HDAC9: variants seen among roughly 807,000 people sequenced by gnomAD.
HDAC9 encodes histone deacetylase 9, also known as MEF-2 interacting transcription repressor (MITR) protein.
In HDAC9, 41 loss-of-function variants were observed where a neutral mutation model predicts 139.4. That is an observed-to-expected ratio of 0.29 (90% CI 0.23 to 0.38). The LOEUF (loss-of-function observed/expected upper bound fraction) is 0.38. HDAC9 is among the 10% of genes least tolerant of loss of function. The pLI is 1.00. For synonymous variants in HDAC9, 517 were observed against 476.2 expected (o/e 1.09, Z -1.12); for missense variants, 1,147 against 1,297.0 (o/e 0.88, Z 1.78).
intron 17 of HDAC9, among the ~76,000 whole-genome samples, chr7:18,819,266 C>T (rs987065621): frequency 1.3e-5 from 2 of 151,944 alleles, no homozygotes; most frequent in African/African-American, 2.4e-5. Flanking sequence ...GGTGACAGAG[C>T]GAGACTCCAT....
intron 14 of HDAC9, among the ~76,000 whole-genome samples, chr7:18,757,754 G>GT (rs1789009782): frequency 2.0e-5 from 3 of 152,184 alleles, no homozygotes; most frequent in African/African-American, 7.2e-5. Flanking sequence ...GTGTGGGTGG[G>GT]TGTGGGTAGG....
chr7:18,624,892 C>T (rs866452728), intron 6 of HDAC9, among the ~76,000 whole-genome samples: 158 of 151,990 alleles, frequency 1.0e-3, no homozygotes, highest in African/African-American at 3.6e-3. Flanking sequence ...TCTCTCATGA[C>T]CCAAAACCTG....
chr7:18,793,304 TTTC>T, intron 16 of HDAC9, 38 bp from the exon 17 acceptor site: 2 of 1,379,560 alleles, frequency 1.4e-6, no homozygotes, highest in Admixed American at 2.0e-5. Flanking sequence ...TCTCTTTCGC[TTTC>T]TTCTTCTGTC....
chr7:18,863,746 G>A (rs1763023984), intron 21 of HDAC9, among the ~76,000 whole-genome samples: 1 of 152,144 alleles, frequency 6.6e-6, no homozygotes, highest in Non-Finnish European at 1.5e-5. Flanking sequence ...GAAGAGAAGA[G>A]TTAGGAATGA....
At chr7:18,336,948 GA>G (rs1408948093) in intron 1 of HDAC9, among the ~76,000 whole-genome samples, 1 of 151,566 alleles carries the variant, frequency 6.6e-6, no homozygotes, top group Non-Finnish European at 1.5e-5. Context: ...CCAATTTAAA[GA>G]AGCGTATAAT....
At chr7:18,910,358 T>C (rs551662756) in intron 22 of HDAC9, among the ~76,000 whole-genome samples, 115 of 152,144 alleles carry the variant, frequency 7.6e-4, no homozygotes, top group African/African-American at 2.5e-3. Context: ...GGTAGCTCAC[T>C]ATTGGTATAC....
chr7:18,627,177 A>G lies in HDAC9; in HGVS notation c.665-2173A>G, dbSNP rs146694135. On this transcript the variant is annotated intron_variant, in intron 6 of 25. Coordinates refer to ENST00000686413, the MANE Select transcript of HDAC9 (RefSeq NM_178425.4). ...AATTTCATAACAGGAAAGTTGTCCC[A>G]TGCAGACTGAATTCACATCCCTCAA... Among the ~76,000 whole-genome samples the G allele has an allele frequency of 7.0e-4, 106 of 152,338 alleles. 1 individual carries two copies. In the East Asian group the frequency reaches 0.02, roughly 28 times the overall value.
chr7:18,906,570 G>T (rs1470629759), intron 22 of HDAC9, among the ~76,000 whole-genome samples: 1 of 152,224 alleles, frequency 6.6e-6, no homozygotes, highest in Non-Finnish European at 1.5e-5. Context: ...AATAGAGTTT[G>T]TAGAGGATCT....
chr7:18,453,590 G>A (rs762101710), intron 1 of HDAC9, among the ~76,000 whole-genome samples: 8 of 152,118 alleles, frequency 5.3e-5, no homozygotes, highest in Non-Finnish European at 7.4e-5. Flanking sequence ...TGACACAAGT[G>A]CCACATATTT....
chr7:18,749,285 G>GCTTA (rs1158661931), intron 14 of HDAC9, 147 bp downstream of exon 14: 1 of 875,640 alleles, frequency 1.1e-6, no homozygotes, highest in African/African-American at 1.7e-5. Context: ...GTAGCACAGA[G>GCTTA]CTTACCACCT....
intron 2 of HDAC9, among the ~76,000 whole-genome samples, chr7:18,564,087 G>A (rs573982135): frequency 1.3e-4 from 20 of 151,964 alleles, no homozygotes; most frequent in Admixed American, 3.3e-4. Context: ...CGCCCGCCCC[G>A]GCCTCCCAAA....
At chr7:18,313,074 A>G (rs949244985) in intron 1 of HDAC9, among the ~76,000 whole-genome samples, 5 of 152,148 alleles carry the variant, frequency 3.3e-5, no homozygotes, top group African/African-American at 9.7e-5. Context: ...CCTTTGTCCT[A>G]TCCTTTCAAG....
At chr7:18,206,211 C>G (rs1791499651) in intron 2 of HDAC9, among the ~76,000 whole-genome samples, 1 of 152,022 alleles carries the variant, frequency 6.6e-6, no homozygotes, top group African/African-American at 2.4e-5. Flanking sequence ...TAATTTCTAT[C>G]ATTGCAGCTG....
intron 21 of HDAC9, among the ~76,000 whole-genome samples, chr7:18,854,963 A>G (rs1161168623): frequency 6.6e-6 from 1 of 152,112 alleles, no homozygotes; most frequent in African/African-American, 2.4e-5. Context: ...TTATTGTTAA[A>G]TGTTTTGATG....
intron 23 of HDAC9, among the ~76,000 whole-genome samples, chr7:18,947,600 G>T (rs1313046177): frequency 6.6e-6 from 1 of 151,660 alleles, no homozygotes; most frequent in Admixed American, 6.6e-5. Context: ...TACAAAACTG[G>T]GTTTTTAAAA....
intron 2 of HDAC9, among the ~76,000 whole-genome samples, chr7:18,263,507 C>T (rs1166291424): frequency 6.6e-6 from 1 of 152,150 alleles, no homozygotes; most frequent in Non-Finnish European, 1.5e-5. Context: ...GAACAAACTG[C>T]CTGAGCTCAT....
intron 24 of HDAC9, among the ~76,000 whole-genome samples, chr7:18,963,658 C>CT (rs1256116229): frequency 6.6e-6 from 1 of 152,020 alleles, no homozygotes; most frequent in African/African-American, 2.4e-5. Flanking sequence ...ACAGAGTTTT[C>CT]TTTTTTTCTA....
intron 2 of HDAC9, among the ~76,000 whole-genome samples, chr7:18,168,879 GT>G (rs112502543): frequency 0.024 from 1,900 of 80,794 alleles, 41 homozygotes; most frequent in Middle Eastern, 0.073. Flanking sequence ...CAAATGTCTT[GT>G]TTTTTTTTTT....
intron 2 of HDAC9, among the ~76,000 whole-genome samples, chr7:18,245,929 C>T (rs1213570563): frequency 1.3e-5 from 2 of 151,724 alleles, no homozygotes; most frequent in Non-Finnish European, 1.5e-5. Flanking sequence ...ATGACTGGAT[C>T]AGTCATTGCT....
Sources: allele counts gnomAD v4.1 joint callset (sites outside exome capture counted in the v4.1 genomes callset), GRCh38; gene constraint gnomAD v4.1.1; transcripts MANE v1.5; gene names NCBI Gene and HGNC (gene_info 2026-07-23, HGNC 2026-07-21).